PTPRM: variants seen among roughly 807,000 people sequenced by gnomAD.
PTPRM encodes receptor-type tyrosine-protein phosphatase mu.
In PTPRM, 47 loss-of-function variants were observed where a neutral mutation model predicts 186.7. The observed-to-expected ratio is 0.25, with a 90% CI of 0.20 to 0.32. The LOEUF (loss-of-function observed/expected upper bound fraction) is 0.32. PTPRM is among the 10% of genes least tolerant of loss of function. The probability of loss-of-function intolerance (pLI) is 1.00; values close to 1 mark genes in which losing one functional copy is unlikely to be tolerated. For synonymous variants in PTPRM, 668 were observed against 674.9 expected, an observed-to-expected ratio of 0.99 and a Z score of 0.16; for missense variants, 1,494 against 1,865.0, an observed-to-expected ratio of 0.80 and a Z score of 3.66.
intron 1 of PTPRM, among the ~76,000 whole-genome samples, chr18:7,594,698 T>C (rs1265467872): frequency 6.6e-6 from 1 of 152,170 alleles, no homozygotes; most frequent in Non-Finnish European, 1.5e-5. Flanking sequence ...TGTCAGAAAG[T>C]TGGACAACAG....
At chr18:7,993,508 A>G (rs1051133492) in intron 7 of PTPRM, among the ~76,000 whole-genome samples, 1 of 152,140 alleles carries the variant, frequency 6.6e-6, no homozygotes, top group Non-Finnish European at 1.5e-5. Flanking sequence ...GAGAATTCCC[A>G]TCAGATTAAC....
chr18:7,666,178 C>T (rs2039090476), intron 1 of PTPRM, among the ~76,000 whole-genome samples: 2 of 152,270 alleles, frequency 1.3e-5, no homozygotes, highest in Non-Finnish European at 2.9e-5. Flanking sequence ...TTCCTCCTTC[C>T]GTGAAGATTT....
rs115759481 is a variant in PTPRM, at chr18:8,291,484, A to G, written c.2755-4884A>G. On this transcript the variant is annotated intron_variant, in intron 19 of 32. Transcript: ENST00000580170. The stretch of plus-strand genomic sequence containing the variant: ...TTTGAGAGGAACCCTTCTTTTCTAC[A>G]ATATAAATTATTTGGTGATTACTTC... Among the ~76,000 whole-genome samples the G allele has an allele frequency of 5.0e-3, 759 of 152,284 alleles. 2 individuals are homozygous for G. The highest frequency in any genetic ancestry group is 0.018 in the African/African-American group (731 of 41,554).
intron 1 of PTPRM, among the ~76,000 whole-genome samples, chr18:7,743,882 G>A (rs1009048967): frequency 6.6e-6 from 1 of 152,150 alleles, no homozygotes; most frequent in African/African-American, 2.4e-5. Context: ...GTTATTCAGA[G>A]CTTAGTGTGC....
At chr18:8,026,219 G>A (rs1271931806) in intron 7 of PTPRM, among the ~76,000 whole-genome samples, 1 of 152,170 alleles carries the variant, frequency 6.6e-6, no homozygotes, top group African/African-American at 2.4e-5. Context: ...ATGCCTCCAT[G>A]GAAAGTCTGA....
At chr18:8,289,406 A>ATG (rs1268955973) in intron 19 of PTPRM, among the ~76,000 whole-genome samples, 8 of 139,786 alleles carry the variant, frequency 5.7e-5, no homozygotes, top group Non-Finnish European at 1.1e-4. Flanking sequence ...GTGTATATAT[A>ATG]TATATACACA....
chr18:8,206,106 A>G (rs1016059471), intron 14 of PTPRM, among the ~76,000 whole-genome samples: 1 of 152,166 alleles, frequency 6.6e-6, no homozygotes, highest in Non-Finnish European at 1.5e-5. Flanking sequence ...TATGAACCAA[A>G]AGAGAAGATG....
intron 14 of PTPRM, among the ~76,000 whole-genome samples, chr18:8,198,073 T>G (rs1372010286): frequency 6.6e-6 from 1 of 152,202 alleles, no homozygotes; most frequent in African/African-American, 2.4e-5. Context: ...TGGGTACCTG[T>G]TGGAAGATTA....
chr18:7,910,729 G>T (rs1479650347), intron 4 of PTPRM, among the ~76,000 whole-genome samples: 1 of 152,198 alleles, frequency 6.6e-6, no homozygotes, highest in Non-Finnish European at 1.5e-5. Flanking sequence ...CTGACTGGTT[G>T]CAGGAGGGGA....
chr18:7,884,924 C>CAA (rs56724615), intron 2 of PTPRM, among the ~76,000 whole-genome samples: 3,178 of 37,792 alleles, frequency 0.084, 939 homozygotes, highest in East Asian at 0.13. Flanking sequence ...AGCTCCATCT[C>CAA]AAAAAAAAAA....
chr18:7,876,258 T>G (rs1599222934), intron 2 of PTPRM, among the ~76,000 whole-genome samples: 1 of 152,286 alleles, frequency 6.6e-6, no homozygotes, highest in East Asian at 1.9e-4. Context: ...AAATCACATG[T>G]CCAATCAAGT....
chr18:8,383,997 T>C (rs761940362), intron 29 of PTPRM, among the ~76,000 whole-genome samples: 1 of 152,100 alleles, frequency 6.6e-6, no homozygotes, highest in Non-Finnish European at 1.5e-5. Context: ...GAAAGCAGAA[T>C]TACTCATGGC....
rs11445031 is a variant in PTPRM, at chr18:7,972,479, T to TAA, written c.1132+17079_1132+17080dup. On this transcript the variant is annotated intron_variant, in intron 7 of 32. Transcript: ENST00000580170. ...AGTATAATTAAAAAAAAAAAAACAT[T>TAA]AAAAAAAAAAAAAAAGGAGAGAAAC... Among the ~76,000 whole-genome samples the TAA allele has an allele frequency of 7.3e-3, 323 of 44,318 alleles. 9 individuals are homozygous for TAA. Among genetic ancestry groups the TAA allele is most frequent in the African/African-American group, 0.022 (191 of 8,568 alleles). 29.1% of individuals were successfully genotyped at this position (44,318 alleles called of 152,430 possible).
At chr18:8,213,132 A>T (rs913230190) in intron 14 of PTPRM, among the ~76,000 whole-genome samples, 3 of 152,228 alleles carry the variant, frequency 2.0e-5, no homozygotes, top group African/African-American at 7.2e-5. Context: ...GTGAGTCATG[A>T]ACATTTCATC....
At chr18:8,021,150 T>G (rs2085192603) in intron 7 of PTPRM, among the ~76,000 whole-genome samples, 1 of 152,190 alleles carries the variant, frequency 6.6e-6, no homozygotes, top group Admixed American at 6.5e-5. Flanking sequence ...GTTAGAAAAT[T>G]ATGTTGGAAA....
At chr18:8,216,581 A>G (rs1203309029) in intron 14 of PTPRM, among the ~76,000 whole-genome samples, 5 of 151,872 alleles carry the variant, frequency 3.3e-5, no homozygotes, top group Non-Finnish European at 5.9e-5. Context: ...ATTTTTGATC[A>G]TTTTTCCTAT....
intron 7 of PTPRM, among the ~76,000 whole-genome samples, chr18:7,982,026 G>A (rs2147458946): frequency 1.3e-5 from 2 of 152,226 alleles, no homozygotes; most frequent in South Asian, 4.1e-4. Context: ...GGACATTACT[G>A]TACACCACTG....
chr18:8,018,928 C>A (rs904641927), intron 7 of PTPRM, among the ~76,000 whole-genome samples: 1 of 152,198 alleles, frequency 6.6e-6, no homozygotes, highest in Non-Finnish European at 1.5e-5. Flanking sequence ...AGCTGCCACA[C>A]ACTTGCTGAC....
intron 22 of PTPRM, among the ~76,000 whole-genome samples, chr18:8,334,284 A>C (rs1402962680): frequency 6.6e-6 from 1 of 152,086 alleles, no homozygotes; most frequent in Non-Finnish European, 1.5e-5. Flanking sequence ...CTTGGTTTTA[A>C]CACTGTCTTC....
Sources: gnomAD v4.1 joint callset for allele counts (sites outside exome capture counted in the v4.1 genomes callset) on GRCh38, gnomAD v4.1.1 for gene constraint, MANE v1.5 for transcripts, NCBI Gene and HGNC (gene_info 2026-07-23, HGNC 2026-07-21) for gene names.